Variants in MAVS observed in about 807,000 individuals in gnomAD.
The protein encoded by MAVS is mitochondrial antiviral signaling protein.
A neutral mutation model predicts 30.2 loss-of-function variants in MAVS; 20 were observed. The observed-to-expected ratio is 0.66, with a 90% CI of 0.47 to 0.96. MAVS has a LOEUF of 0.96. Ranked by LOEUF, MAVS falls within the 40% of genes least tolerant of loss-of-function variation. MAVS has a pLI of 0.00. For missense variants in MAVS, 624 were observed against 701.1 expected, an observed-to-expected ratio of 0.89 and a Z score of 1.24; for synonymous variants, 278 against 293.9, an observed-to-expected ratio of 0.95 and a Z score of 0.55.
In MAVS at chr20:3,873,321, G is replaced by A. The variant is rs939662543; in HGVS notation, c.*7174G>A. ...GCTGGCAGGGGGCAGATCACTTGAA[G>A]CCAGGAGTCTGAGATCAGCCTGGCC... On this transcript the variant is annotated 3_prime_UTR_variant, in exon 7 of 7. Coordinates refer to ENST00000428216, the MANE Select transcript of MAVS (RefSeq NM_020746.5). 3 of 152,236 alleles carry A rather than the reference G, an allele frequency of 2.0e-5. No homozygotes were observed. Among genetic ancestry groups the A allele is most frequent in the Admixed American group, 1.3e-4 (2 of 15,280 alleles). 9.4% of individuals were successfully genotyped at this position (152,236 alleles called of 1,614,324 possible). A position where few individuals can be genotyped will look rare whatever the true frequency, so the allele number is the denominator to read the frequency against.
At chr20:3,861,548 TATCTGCCCAC>T in intron 4 of MAVS, 44 bp downstream of exon 4, 1 of 1,590,902 alleles carries the variant, frequency 6.3e-7, no homozygotes, top group South Asian at 1.1e-5. Flanking sequence ...TTTGTGTTCC[TATCTGCCCAC>T]TTCTGCCCAT....
rs1238166883 is a variant in MAVS at position 3,867,200 on chromosome 20, CA to C, written c.*1054del. On this transcript the variant is annotated 3_prime_UTR_variant, in exon 7 of 7. Coordinates refer to ENST00000428216, the MANE Select transcript of MAVS (RefSeq NM_020746.5). ...TAGGCCTGCGTCCCAACCTGCCTCT[CA>C]CCAGCTCTGTGACCTTGGGCAAGGG... 6 of 380,968 alleles carry C rather than the reference CA, an allele frequency of 1.6e-5. No individual in the cohort carries two copies. Among genetic ancestry groups the C allele is most frequent in the Non-Finnish European group, 3.1e-5 (6 of 191,580 alleles). 23.6% of individuals were successfully genotyped at this position (380,968 alleles called of 1,614,324 possible).
chr20:3,848,288 G>A (rs558556140), intron 1 of MAVS, among the ~76,000 whole-genome samples: 7 of 152,086 alleles, frequency 4.6e-5, no homozygotes, highest in South Asian at 2.1e-4. Flanking sequence ...TAGTAGAGAC[G>A]GGGTTTCACC....
Position 3,864,589 on chromosome 20 carries a change from G to A in MAVS, c.959G>A (p.Ser320Asn). 2 of 1,614,164 alleles carry A rather than the reference G, an allele frequency of 1.2e-6. No individual in the cohort carries two copies. The highest frequency in any genetic ancestry group is 1.7e-6 in the Non-Finnish European group (2 of 1,180,040). The change falls in exon 6 of 7, where the codon AGC becomes AAC. Residue 320 changes from serine to asparagine, a missense_variant. Coordinates refer to ENST00000428216, the MANE Select transcript of MAVS (RefSeq NM_020746.5). ...GTGCCTGCCAACCCAGCATCTGTCA[G>A]CACAGTGCCCTCCAAGTTGCCAACT... ...LKVPANPASV[S>N]TVPSKLPTSS...
At chr20:3,848,056 C>T (rs2089723260) in intron 1 of MAVS, among the ~76,000 whole-genome samples, 1 of 152,142 alleles carries the variant, frequency 6.6e-6, no homozygotes, top group Non-Finnish European at 1.5e-5. Context: ...CCTCATCTGA[C>T]TGCCTTCTGG....
rs974002710 is a variant in MAVS at position 3,854,541 on chromosome 20, G to A, written c.-67-17G>A. 7 of 873,716 alleles carry A rather than the reference G, an allele frequency of 8.0e-6. No individual in the cohort carries two copies. Among genetic ancestry groups the A allele is most frequent in the Non-Finnish European group, 1.3e-5 (7 of 546,632 alleles). 54.1% of individuals were successfully genotyped at this position (873,716 alleles called of 1,614,324 possible). On this transcript the variant is annotated splice_polypyrimidine_tract_variant and intron_variant, in intron 1 of 6. Transcript: ENST00000428216. Reference sequence around the variant, plus strand: ...ACCCCCCAACCCTGTTGTAATGTGTGATCTGTTTTCTTCCAGTCTCGTTTC... The same window carrying A: ...ACCCCCCAACCCTGTTGTAATGTGTAATCTGTTTTCTTCCAGTCTCGTTTC...
Position 3,867,107 on chromosome 20 carries a change from G to A in MAVS, c.*960G>A, listed in dbSNP as rs2089915026. 1 of 456,012 alleles carries A rather than the reference G, an allele frequency of 2.2e-6. No homozygotes were observed. Among genetic ancestry groups the A allele is most frequent in the Non-Finnish European group, 4.4e-6 (1 of 226,702 alleles). 28.2% of individuals were successfully genotyped at this position (456,012 alleles called of 1,614,324 possible). ...TCCCATCTCTCTCCTGCCCAACCTG[G>A]TAGAGCTGAGGGCATGAGAGGCAGA... On this transcript the variant is annotated 3_prime_UTR_variant, in exon 7 of 7. Coordinates refer to ENST00000428216, the MANE Select transcript of MAVS (RefSeq NM_020746.5).
Position 3,866,883 on chromosome 20 carries a change from G to T in MAVS, c.*736G>T, listed in dbSNP as rs1191908142. On this transcript the variant is annotated 3_prime_UTR_variant, in exon 7 of 7. Coordinates refer to ENST00000428216, the MANE Select transcript of MAVS (RefSeq NM_020746.5). ...TACATGGGCTGGGGAGGAGACACCT[G>T]GTGGGCAGAGCTCAGGCAGAGGTTT... 8.7e-6 allele frequency: 4 copies of T among 457,342 alleles called. No homozygotes were observed. Among genetic ancestry groups the T allele is most frequent in the South Asian group, 6.2e-5 (4 of 64,568 alleles). 28.3% of individuals were successfully genotyped at this position (457,342 alleles called of 1,614,324 possible).
Position 3,865,666 on chromosome 20 carries a change from TCTC to T in MAVS, c.1159-14_1159-12del. 6.3e-7 allele frequency: 1 copy of T among 1,585,540 alleles called. No individual in the cohort carries two copies. The highest frequency in any genetic ancestry group is 8.6e-7 in the Non-Finnish European group (1 of 1,164,954). ...TGCCAACCCCAGTCCCTTCCAGTGC[TCTC>T]CTTTCTTTCCCAGGAGACCCCAGCA... On this transcript the variant is annotated splice_polypyrimidine_tract_variant and intron_variant, in intron 6 of 6. Coordinates refer to ENST00000428216, the MANE Select transcript of MAVS (RefSeq NM_020746.5). This position sits in a 1 kb window ranked among gnomAD's most constrained non-coding sequence, Gnocchi z 4.7.
rs1018420514 is a variant in MAVS, at chr20:3,848,170, G to C, written c.-68+1267G>C. ...GCTGGAGCGCAGTGGTCCAATCTTG[G>C]CTCACTGCAACCTCTGCCTCCTGGG... is the stretch of plus-strand genomic sequence containing the variant. On this transcript the variant is annotated intron_variant, in intron 1 of 6. Transcript: ENST00000428216. Among the ~76,000 whole-genome samples, 28 of 152,010 alleles carry C rather than the reference G, an allele frequency of 1.8e-4. 1 individual carries two copies.
rs2089975047 is a variant in MAVS at position 3,874,235 on chromosome 20, G to A, written c.*8088G>A. 2.5e-6 allele frequency: 1 copy of A among 398,452 alleles called. No individual in the cohort carries two copies. The highest frequency in any genetic ancestry group is 4.4e-5 in the Admixed American group (1 of 22,686). 24.7% of individuals were successfully genotyped at this position (398,452 alleles called of 1,614,324 possible). A position where few individuals can be genotyped will look rare whatever the true frequency, so the allele number is the denominator to read the frequency against. On this transcript the variant is annotated 3_prime_UTR_variant, in exon 7 of 7. Coordinates refer to ENST00000428216, the MANE Select transcript of MAVS (RefSeq NM_020746.5). ...AAAAAGTACAGAAATAAGCAAAACT[G>A]ATCCATGGTGTTAGAAGCCAGGGGA...
At chr20:3,853,780 C>A (rs911076242) in intron 1 of MAVS, among the ~76,000 whole-genome samples, 3 of 151,930 alleles carry the variant, frequency 2.0e-5, no homozygotes, top group Non-Finnish European at 4.4e-5. Flanking sequence ...GTGACAGAGA[C>A]CCCATCTGTT....
Position 3,865,108 on chromosome 20 carries a change from A to T in MAVS, c.1158+320A>T, listed in dbSNP as rs1253056813. On this transcript the variant is annotated intron_variant, in intron 6 of 6. Transcript: ENST00000428216. This position sits in a 1 kb window ranked among gnomAD's most constrained non-coding sequence, Gnocchi z 4.7. ...GTGAAGCCGAGCGGTGCCGTTTTGC[A>T]CATAAGGAAGCAGTGACGGGGACAG... 5.3e-5 allele frequency among the ~76,000 whole-genome samples: 8 copies of T among 152,182 alleles called. No homozygotes were observed. Among genetic ancestry groups the T allele is most frequent in the Admixed American group, 1.3e-4 (2 of 15,280 alleles).
rs986574116 is a variant in MAVS at position 3,873,997 on chromosome 20, ACAACCCAAATGTCCATCCAC to A, written c.*7871_*7890del. 4.8e-5 allele frequency: 19 copies of A among 397,644 alleles called. No individual in the cohort carries two copies. Among genetic ancestry groups the A allele is most frequent in the African/African-American group, 1.2e-4 (6 of 48,654 alleles). 24.6% of individuals were successfully genotyped at this position (397,644 alleles called of 1,614,324 possible). A position where few individuals can be genotyped will look rare whatever the true frequency, so the allele number is the denominator to read the frequency against. On this transcript the variant is annotated 3_prime_UTR_variant, in exon 7 of 7. Transcript: ENST00000428216. ...CGCTGACTGTAGCCCCAAACCTGAA[ACAACCCAAATGTCCATCCAC>A]CAACCCAAATGTCCATCCACAGTTG... is the stretch of plus-strand genomic sequence containing the variant.
rs140531239 is a variant in MAVS, at chr20:3,865,991, G to A, written c.1467G>A (p.Pro489=). Residue 489 remains proline (P), a synonymous_variant, in exon 7 of 7, where the codon CCG becomes CCA. Transcript: ENST00000428216. This position sits in a 1 kb window ranked among gnomAD's most constrained non-coding sequence, Gnocchi z 4.7. ...LEGNPGPPAD[P]DGGPRPQADR... Reference sequence around the variant, plus strand: ...GCAACCCTGGGCCACCTGCGGACCCGGATGGCGGCCCCAGGCCACAAGCCG... The same window carrying A: ...GCAACCCTGGGCCACCTGCGGACCCAGATGGCGGCCCCAGGCCACAAGCCG... 1.6e-5 allele frequency: 26 copies of A among 1,613,094 alleles called. No individual in the cohort carries two copies. The African/African-American group carries it at 1.9e-4, about 12-fold the overall frequency.
Position 3,866,307 on chromosome 20 carries a change from C to G in MAVS, c.*160C>G. 8.6e-6 allele frequency: 6 copies of G among 695,874 alleles called. No homozygotes were observed. Among genetic ancestry groups the G allele is most frequent in the Non-Finnish European group, 1.4e-5 (6 of 427,434 alleles). 43.1% of individuals were successfully genotyped at this position (695,874 alleles called of 1,614,324 possible). On this transcript the variant is annotated 3_prime_UTR_variant, in exon 7 of 7. Transcript: ENST00000428216. ...GCAGCAGGACATGCCTTGGCTGAAC[C>G]AAGTCCTGAGAGCAGCATCTCTGTC...
intron 3 of MAVS, among the ~76,000 whole-genome samples, chr20:3,859,452 G>A (rs1185782465): frequency 6.6e-6 from 1 of 151,228 alleles, no homozygotes; most frequent in Non-Finnish European, 1.5e-5. Context: ...AGGTTGCAGT[G>A]AGCCGAGATT....
intron 3 of MAVS, among the ~76,000 whole-genome samples, chr20:3,858,758 A>T (rs564519075): frequency 6.7e-6 from 1 of 149,466 alleles, no homozygotes; most frequent in South Asian, 2.1e-4. Flanking sequence ...GGTCACATTT[A>T]TAGCTGTGGG....
chr20:3,858,936 A>T (rs779583914), intron 3 of MAVS, among the ~76,000 whole-genome samples: 1 of 151,672 alleles, frequency 6.6e-6, no homozygotes, highest in African/African-American at 2.4e-5. Flanking sequence ...AGTAGCTGGG[A>T]CTACAGGCAT....
Sources: allele counts gnomAD v4.1 joint callset (sites outside exome capture counted in the v4.1 genomes callset), GRCh38; gene constraint gnomAD v4.1.1; non-coding constraint Gnocchi (gnomAD v3.1); transcripts MANE v1.5; gene names NCBI Gene and HGNC (gene_info 2026-07-23, HGNC 2026-07-21).